SORBS2: variants seen among roughly 807,000 people sequenced by gnomAD.
SORBS2 encodes the protein sorbin and SH3 domain-containing protein 2.
In SORBS2, 46 loss-of-function variants were observed where a neutral mutation model predicts 97.7. The ratio of observed to expected loss-of-function variants is 0.47; its 90% CI spans 0.37 to 0.60. The LOEUF (loss-of-function observed/expected upper bound fraction) is 0.60. SORBS2 is among the 20% of genes least tolerant of loss of function. The pLI is 0.00. For synonymous variants in SORBS2, 476 were observed against 473.4 expected, an observed-to-expected ratio of 1.01 and a Z score of -0.07; for missense variants, 1,316 against 1,282.3, an observed-to-expected ratio of 1.03 and a Z score of -0.40.
Position 185,623,433 on chromosome 4 carries a change from G to A in SORBS2, c.1696C>T (p.Pro566Ser), listed in dbSNP as rs1165481476. ...GTGGTAAATCGAGTGTAGGAGGCCG[G>A]GCACCTGCCTTTGCAGGAGCTGATG... The change falls in exon 7 of 15, where the codon CCG becomes TCG. Residue 566 changes from proline to serine, a missense_variant. Coordinates refer to ENST00000418609, the Ensembl canonical transcript of SORBS2. The surrounding 1 kb of genome is among the most constrained non-coding windows in gnomAD (Gnocchi z 6.4). 2.5e-6 allele frequency: 4 copies of A among 1,611,544 alleles called. No individual in the cohort carries two copies. Among genetic ancestry groups the A allele is most frequent in the Non-Finnish European group, 3.4e-6 (4 of 1,179,994 alleles).
upstream of SORBS2, among the ~76,000 whole-genome samples, chr4:185,659,363 C>T (rs1269578150): frequency 6.6e-6 from 1 of 152,006 alleles, no homozygotes; most frequent in South Asian, 2.1e-4. Flanking sequence ...GTTTCTTTCC[C>T]CCTGCTACTG....
intron 1 of SORBS2, among the ~76,000 whole-genome samples, chr4:185,925,843 C>A (rs1403428264): frequency 6.6e-6 from 1 of 152,140 alleles, no homozygotes; most frequent in Non-Finnish European, 1.5e-5. Context: ...TGCAGGGTGA[C>A]AGGGCGCTAT....
At chr4:185,912,323 G>A (rs550692654) in intron 1 of SORBS2, among the ~76,000 whole-genome samples, 198 of 152,044 alleles carry the variant, frequency 1.3e-3, no homozygotes, top group African/African-American at 4.6e-3. Flanking sequence ...GGTGGCTCAT[G>A]CCTGTAATCG....
chr4:185,947,362 CTA>C lies in SORBS2; in HGVS notation c.-338+8832_-338+8833del, dbSNP rs997003997. On this transcript the variant is annotated intron_variant, in intron 1 of 20. Transcript: ENST00000284776. ...GGGCTTTGCATTTCTTGATTTTCCT[CTA>C]GTTTCAAACTTTGGAGGTGATGTGA... 1.6e-4 allele frequency among the ~76,000 whole-genome samples: 25 copies of C among 152,308 alleles called. No individual in the cohort carries two copies. In the South Asian group the frequency reaches 4.1e-3, roughly 25 times the overall value.
intron 1 of SORBS2, among the ~76,000 whole-genome samples, chr4:185,789,792 T>G (rs2099072367): frequency 6.6e-6 from 1 of 152,182 alleles, no homozygotes; most frequent in South Asian, 2.1e-4. Flanking sequence ...TTAGAAGTTT[T>G]TGAAAATGTG....
intron 1 of SORBS2, among the ~76,000 whole-genome samples, chr4:185,952,077 T>C (rs982884749): frequency 1.3e-5 from 2 of 150,498 alleles, no homozygotes; most frequent in Non-Finnish European, 3.0e-5. Flanking sequence ...CAGGCTGGAG[T>C]GCAGTGGCAA....
chr4:185,837,844 G>GAA (rs376421948), intron 1 of SORBS2, among the ~76,000 whole-genome samples: 13,052 of 142,202 alleles, frequency 0.092, 675 homozygotes, highest in Middle Eastern at 0.18. Context: ...TTCTTTAATA[G>GAA]AAAAAAAAAA....
At chr4:185,705,838 G>A (rs2098335010) in intron 2 of SORBS2, among the ~76,000 whole-genome samples, 2 of 152,118 alleles carry the variant, frequency 1.3e-5, no homozygotes, top group South Asian at 4.1e-4. Flanking sequence ...GGCTCTTCTA[G>A]TCTATTGAGG....
At chr4:185,942,264 C>T (rs1379965225) in intron 1 of SORBS2, among the ~76,000 whole-genome samples, 1 of 152,138 alleles carries the variant, frequency 6.6e-6, no homozygotes, top group African/African-American at 2.4e-5. Context: ...GGCAACAGGC[C>T]CCCCATAGCC....
intron 1 of SORBS2, among the ~76,000 whole-genome samples, chr4:185,882,273 A>C (rs1407057789): frequency 6.6e-6 from 1 of 152,216 alleles, no homozygotes; most frequent in Admixed American, 6.5e-5. Context: ...GTCAATATAC[A>C]AAAGTCCATT....
chr4:185,762,602 T>A (rs921120463), intron 2 of SORBS2, among the ~76,000 whole-genome samples: 2 of 152,102 alleles, frequency 1.3e-5, no homozygotes, highest in Admixed American at 1.3e-4. Context: ...ACAGATTTCA[T>A]GAAGATGCGA....
Position 185,624,131 on chromosome 4 carries a change from T to C in SORBS2, c.998A>G (p.Glu333Gly), listed in dbSNP as rs374095143. Residue 333 changes from glutamate (E) to glycine (G), a missense_variant, in exon 7 of 15, where the codon GAG becomes GGG. Transcript: ENST00000418609. ...CCTTGATCTGCCGTTACTGCGAACC[T>C]CCGGGACGTAGGGGGACCCCCACGC... is the stretch of plus-strand genomic sequence containing the variant. The C allele has an allele frequency of 4.3e-6, 7 of 1,614,142 alleles. No individual in the cohort carries two copies. The African/African-American group carries it at 8.0e-5, about 18-fold the overall frequency.
In SORBS2 at chr4:185,593,939, A is replaced by G. The variant is rs778654953; in HGVS notation, c.2797-4T>C. 3.3e-5 allele frequency: 52 copies of G among 1,597,674 alleles called. No individual in the cohort carries two copies. Among genetic ancestry groups the G allele is most frequent in the Non-Finnish European group, 4.2e-5 (49 of 1,165,222 alleles). On this transcript the variant is annotated splice_polypyrimidine_tract_variant and splice_region_variant and intron_variant, in intron 12 of 14. Coordinates refer to ENST00000418609, the Ensembl canonical transcript of SORBS2. ...GAGTAAACACAGGACGCTGTGGCTG[A>G]AATGAAATGATTTTCAATGTAATCA...
intron 1 of SORBS2, among the ~76,000 whole-genome samples, chr4:185,798,020 C>G (rs1226641452): frequency 6.6e-6 from 1 of 152,200 alleles, no homozygotes; most frequent in Non-Finnish European, 1.5e-5. Context: ...AAAGACTGAA[C>G]AGTCACCAAG....
intron 1 of SORBS2, among the ~76,000 whole-genome samples, chr4:185,926,117 G>A (rs1375462573): frequency 6.6e-6 from 1 of 152,242 alleles, no homozygotes; most frequent in Non-Finnish European, 1.5e-5. Flanking sequence ...CGCTATAACC[G>A]CGCTATGTGC....
intron 1 of SORBS2, among the ~76,000 whole-genome samples, chr4:185,861,189 T>G (rs899409394): frequency 4.6e-5 from 7 of 151,700 alleles, no homozygotes; most frequent in African/African-American, 1.7e-4. Flanking sequence ...ACTCCAAAGG[T>G]AGGAGGGTAT....
At chr4:185,778,612 C>A (rs1443273640) in intron 1 of SORBS2, among the ~76,000 whole-genome samples, 1 of 152,090 alleles carries the variant, frequency 6.6e-6, no homozygotes, top group African/African-American at 2.4e-5. Flanking sequence ...ACCAGTACCC[C>A]GGCCCCGCCC....
intron 1 of SORBS2, among the ~76,000 whole-genome samples, chr4:185,917,521 G>C (rs6847341): frequency 0.47 from 71,897 of 151,954 alleles, 17,317 homozygotes; most frequent in East Asian, 0.71. Flanking sequence ...AGCCACCACT[G>C]CTGGCCCATA....
intron 2 of SORBS2, among the ~76,000 whole-genome samples, chr4:185,717,231 G>A (rs1334869611): frequency 1.3e-5 from 2 of 152,230 alleles, no homozygotes; most frequent in Non-Finnish European, 2.9e-5. Context: ...GAGTTGCTAG[G>A]AGATGGCCGC....
Sources: allele counts gnomAD v4.1 joint callset (sites outside exome capture counted in the v4.1 genomes callset), GRCh38; gene constraint gnomAD v4.1.1; non-coding constraint Gnocchi (gnomAD v3.1); transcripts MANE v1.5; gene names NCBI Gene and HGNC (gene_info 2026-07-23, HGNC 2026-07-21).